Variants in CACNB2 observed in about 807,000 individuals in gnomAD.
CACNB2 encodes voltage-dependent L-type calcium channel subunit beta-2.
In CACNB2, 42 loss-of-function variants were observed where a neutral mutation model predicts 73.3. That is an observed-to-expected ratio of 0.57 (90% CI 0.45 to 0.74). The LOEUF is 0.74. CACNB2 is among the 30% of genes least tolerant of loss of function. The pLI, the probability that CACNB2 is intolerant of heterozygous loss-of-function variation, is 0.00. For synonymous variants in CACNB2, 348 were observed against 310.3 expected (o/e 1.12, Z -1.28); for missense variants, 940 against 853.0 (o/e 1.10, Z -1.27).
chr10:18,364,583 A>G (rs181242293), intron 2 of CACNB2, among the ~76,000 whole-genome samples: 1 of 152,292 alleles, frequency 6.6e-6, no homozygotes, highest in Non-Finnish European at 1.5e-5. Context: ...TACAGGCATG[A>G]GCCACTTCGC....
At chr10:18,336,562 T>G (rs1216368497) in intron 2 of CACNB2, among the ~76,000 whole-genome samples, 2 of 151,700 alleles carry the variant, frequency 1.3e-5, no homozygotes, top group African/African-American at 4.8e-5. Flanking sequence ...GAGGCTGCAA[T>G]GAGCCAAGAT....
chr10:18,345,292 T>G (rs1158562456), intron 2 of CACNB2, among the ~76,000 whole-genome samples: 1 of 152,242 alleles, frequency 6.6e-6, no homozygotes, highest in Non-Finnish European at 1.5e-5. Flanking sequence ...GCCAGTATTA[T>G]TCATATACTA....
At chr10:18,197,614 A>G (rs1342582115) in intron 2 of CACNB2, among the ~76,000 whole-genome samples, 1 of 152,188 alleles carries the variant, frequency 6.6e-6, no homozygotes, top group African/African-American at 2.4e-5. Context: ...GGAAGTTTCT[A>G]GGAAACCTCT....
chr10:18,207,195 G>T (rs2035131106), intron 2 of CACNB2, among the ~76,000 whole-genome samples: 2 of 152,072 alleles, frequency 1.3e-5, no homozygotes, highest in Non-Finnish European at 2.9e-5. Flanking sequence ...TTTTGGTAGA[G>T]ACAGGGTTTC....
intron 2 of CACNB2, among the ~76,000 whole-genome samples, chr10:18,379,496 G>A (rs535277130): frequency 1.3e-5 from 2 of 152,292 alleles, no homozygotes; most frequent in South Asian, 4.2e-4. Flanking sequence ...TTACAGGCAT[G>A]AGCCACTGTG....
At chr10:18,200,519 T>C (rs937644363) in intron 2 of CACNB2, among the ~76,000 whole-genome samples, 1 of 151,842 alleles carries the variant, frequency 6.6e-6, no homozygotes, top group Admixed American at 6.6e-5. Context: ...AAAGTAAATA[T>C]TTTAAAATAA....
At chr10:18,217,447 G>C (rs1211773545) in intron 2 of CACNB2, among the ~76,000 whole-genome samples, 1 of 151,958 alleles carries the variant, frequency 6.6e-6, no homozygotes, top group African/African-American at 2.4e-5. Context: ...TCGTGCCGCT[G>C]TACTCCAGCC....
intron 2 of CACNB2, among the ~76,000 whole-genome samples, chr10:18,331,752 C>T (rs984551967): frequency 6.6e-6 from 1 of 152,150 alleles, no homozygotes; most frequent in Non-Finnish European, 1.5e-5. Flanking sequence ...TTAATGGCAA[C>T]AGAGCCGGGC....
intron 2 of CACNB2, among the ~76,000 whole-genome samples, chr10:18,394,561 G>A (rs927525852): frequency 2.0e-5 from 3 of 152,066 alleles, no homozygotes; most frequent in Non-Finnish European, 2.9e-5. Context: ...TTTTACAAAG[G>A]GAGGAATTAG....
At chr10:18,474,140 G>A (rs373432202) in intron 3 of CACNB2, among the ~76,000 whole-genome samples, 180 of 152,322 alleles carry the variant, frequency 1.2e-3, no homozygotes, top group Non-Finnish European at 1.8e-3. Flanking sequence ...GTTTTGGGTA[G>A]GAAGAAGCTG....
At chr10:18,247,289 A>G (rs1449064751) in intron 2 of CACNB2, among the ~76,000 whole-genome samples, 3 of 152,158 alleles carry the variant, frequency 2.0e-5, no homozygotes, top group Admixed American at 6.5e-5. Flanking sequence ...CACCTCCTAG[A>G]CATCGTATCT....
chr10:18,340,360 A>G (rs1168257037), intron 2 of CACNB2, among the ~76,000 whole-genome samples: 6 of 152,218 alleles, frequency 3.9e-5, no homozygotes, highest in Non-Finnish European at 8.8e-5. Context: ...GGCAACGAAA[A>G]AAGAAAGATA....
chr10:18,291,640 A>G (rs1588957642), intron 2 of CACNB2, among the ~76,000 whole-genome samples: 2 of 152,300 alleles, frequency 1.3e-5, no homozygotes, highest in African/African-American at 4.8e-5. Context: ...CATTTGGGTA[A>G]CAAAGACGTT....
rs998788829 is a variant in CACNB2 at position 18,181,209 on chromosome 10, G to A, written c.213+30234G>A. On this transcript the variant is annotated intron_variant, in intron 2 of 13. Transcript: ENST00000324631. The stretch of plus-strand genomic sequence containing the variant: ...TGCATCTGAGTACATGCAAGCACTG[G>A]AATGACCTTACCTAGATCCCTACTT... 1.1e-4 allele frequency among the ~76,000 whole-genome samples: 17 copies of A among 152,054 alleles called. No homozygotes were observed. In the South Asian group the frequency reaches 1.2e-3, roughly 11 times the overall value.
chr10:18,519,589 C>T, intron 9 of CACNB2: 1 of 405,514 alleles, frequency 2.5e-6, no homozygotes, highest in Non-Finnish European at 4.8e-6. Context: ...CCGTAATCAT[C>T]CTTTGCTCTC....
intron 2 of CACNB2, among the ~76,000 whole-genome samples, chr10:18,233,114 A>G (rs1291404709): frequency 2.0e-5 from 3 of 152,196 alleles, no homozygotes; most frequent in Admixed American, 2.0e-4. Flanking sequence ...AGAGCTTGAG[A>G]AAAAACATAG....
intron 2 of CACNB2, among the ~76,000 whole-genome samples, chr10:18,305,351 A>T (rs554529119): frequency 3.5e-4 from 53 of 152,348 alleles, no homozygotes; most frequent in African/African-American, 1.3e-3. Flanking sequence ...CCTGAAGCAG[A>T]TCCTTTTTGA....
chr10:18,386,136 G>A (rs2043220356), intron 2 of CACNB2, among the ~76,000 whole-genome samples: 1 of 152,106 alleles, frequency 6.6e-6, no homozygotes, highest in African/African-American at 2.4e-5. Flanking sequence ...ATTAAAACTA[G>A]TGTTGTCTTT....
intron 2 of CACNB2, among the ~76,000 whole-genome samples, chr10:18,288,910 C>G (rs1370823635): frequency 6.6e-6 from 1 of 152,046 alleles, no homozygotes; most frequent in Non-Finnish European, 1.5e-5. Flanking sequence ...CCGGGCATGG[C>G]AGCACATGCC....
Sources: gnomAD v4.1 joint callset for allele counts (sites outside exome capture counted in the v4.1 genomes callset) on GRCh38, gnomAD v4.1.1 for gene constraint, MANE v1.5 for transcripts, NCBI Gene and HGNC (gene_info 2026-07-23, HGNC 2026-07-21) for gene names.